Variants in GABBR2 observed in about 807,000 individuals in gnomAD.
The protein encoded by GABBR2 is gamma-aminobutyric acid type B receptor subunit 2, also known as G-protein coupled receptor 51.
GABBR2 carries 23 observed loss-of-function variants against 105.6 expected under a neutral mutation model. That is an observed-to-expected ratio of 0.22 (90% CI 0.16 to 0.31). The LOEUF is 0.31. GABBR2 is among the 10% of genes least tolerant of loss of function. The pLI, the probability that GABBR2 is intolerant of heterozygous loss-of-function variation, is 1.00. For missense variants in GABBR2, 734 were observed against 1,245.5 expected (o/e 0.59, Z 6.18); for synonymous variants, 478 against 499.7 (o/e 0.96, Z 0.58).
At chr9:98,653,231 T>C (rs1830133848) in intron 1 of GABBR2, among the ~76,000 whole-genome samples, 1 of 152,200 alleles carries the variant, frequency 6.6e-6, no homozygotes, top group Non-Finnish European at 1.5e-5. Context: ...ACCCCTGGCC[T>C]CAAGTGATCC....
intron 13 of GABBR2, chr9:98,362,435 T>C (rs965109053): frequency 3.0e-5 from 6 of 197,308 alleles, no homozygotes; most frequent in Admixed American, 6.0e-5. Flanking sequence ...TCTCAAGTGA[T>C]GGATCTTATA....
At chr9:98,300,921 G>C (rs1420768249) in intron 16 of GABBR2, among the ~76,000 whole-genome samples, 1 of 152,168 alleles carries the variant, frequency 6.6e-6, no homozygotes, top group African/African-American at 2.4e-5. Context: ...GTCATGCCTC[G>C]TGTAATGAAG....
chr9:98,672,231 C>G (rs1830416205), intron 1 of GABBR2, among the ~76,000 whole-genome samples: 1 of 152,148 alleles, frequency 6.6e-6, no homozygotes, highest in Non-Finnish European at 1.5e-5. Context: ...TCCCCCAGCC[C>G]TGGCGACCAC....
At chr9:98,606,356 T>A (rs1829421147) in intron 1 of GABBR2, among the ~76,000 whole-genome samples, 1 of 152,212 alleles carries the variant, frequency 6.6e-6, no homozygotes, top group Admixed American at 6.5e-5. Flanking sequence ...CACACTGTCT[T>A]CCACAATGGC....
chr9:98,452,163 C>A (rs1826243912), intron 7 of GABBR2, among the ~76,000 whole-genome samples: 1 of 152,176 alleles, frequency 6.6e-6, no homozygotes, highest in South Asian at 2.1e-4. Flanking sequence ...TTCCAGCCCA[C>A]CAGACCAACA....
chr9:98,494,826 G>C (rs769179269), intron 4 of GABBR2, among the ~76,000 whole-genome samples: 1 of 152,360 alleles, frequency 6.6e-6, no homozygotes, highest in Non-Finnish European at 1.5e-5. Flanking sequence ...TTGATGGGTA[G>C]AGAGTCCAGT....
intron 2 of GABBR2, among the ~76,000 whole-genome samples, chr9:98,576,236 T>C (rs144790884): frequency 2.9e-4 from 44 of 152,268 alleles, no homozygotes; most frequent in African/African-American, 1.1e-3. Context: ...ACCCTGTCAC[T>C]CACTCTCTTC....
intron 5 of GABBR2, among the ~76,000 whole-genome samples, chr9:98,474,895 C>T (rs1455012248): frequency 6.6e-6 from 1 of 152,156 alleles, no homozygotes; most frequent in African/African-American, 2.4e-5. Context: ...CTAAAACACC[C>T]TTAATACCTG....
intron 1 of GABBR2, among the ~76,000 whole-genome samples, chr9:98,597,068 T>C (rs757289228): frequency 5.9e-5 from 9 of 152,074 alleles, no homozygotes; most frequent in Non-Finnish European, 2.9e-5. Context: ...TTAGGAAATA[T>C]TAGGTCAACA....
chr9:98,591,728 T>G (rs570283957), intron 1 of GABBR2, among the ~76,000 whole-genome samples: 1 of 152,180 alleles, frequency 6.6e-6, no homozygotes, highest in Admixed American at 6.5e-5. Context: ...ATCTCAGTAG[T>G]CTCCTTCATG....
chr9:98,645,757 G>A (rs780718807), intron 1 of GABBR2, among the ~76,000 whole-genome samples: 8 of 152,192 alleles, frequency 5.3e-5, no homozygotes, highest in Non-Finnish European at 8.8e-5. Context: ...GAGCACTATT[G>A]AACCTTCAAT....
chr9:98,453,913 A>C lies in GABBR2; in HGVS notation c.1236+68T>G, dbSNP rs1826278731. ...GATCACATAACAGAAAGCCTGTAAC[A>C]GCCCCTCTTTTGCTTTGCATGTTTA... is the stretch of plus-strand genomic sequence containing the variant. On this transcript the variant is annotated intron_variant, in intron 7 of 18. Transcript: ENST00000259455. The C allele has an allele frequency of 1.8e-5, 18 of 1,011,532 alleles. No individual in the cohort carries two copies. The South Asian group carries it at 2.4e-4, about 13-fold the overall frequency. 62.7% of individuals were successfully genotyped at this position (1,011,532 alleles called of 1,614,324 possible).
At chr9:98,644,873 T>C (rs78914165) in intron 1 of GABBR2, among the ~76,000 whole-genome samples, 9 of 152,278 alleles carry the variant, frequency 5.9e-5, no homozygotes, top group Non-Finnish European at 1.2e-4. Flanking sequence ...ACTGGGAATG[T>C]AACATTCTGA....
chr9:98,494,688 T>G (rs141767578), intron 4 of GABBR2, among the ~76,000 whole-genome samples: 74 of 151,734 alleles, frequency 4.9e-4, no homozygotes, highest in African/African-American at 1.6e-3. Context: ...GGAGGACGAA[T>G]TGAGCAAATA....
At chr9:98,689,468 G>A (rs962595826) in intron 1 of GABBR2, among the ~76,000 whole-genome samples, 5 of 152,186 alleles carry the variant, frequency 3.3e-5, no homozygotes, top group African/African-American at 9.7e-5. Flanking sequence ...CAATGCTGGC[G>A]GTGCTAATAG....
intron 4 of GABBR2, among the ~76,000 whole-genome samples, chr9:98,490,892 A>G (rs576601445): frequency 4.6e-5 from 7 of 152,310 alleles, no homozygotes; most frequent in African/African-American, 1.7e-4. Flanking sequence ...TCGCGACTTC[A>G]TCACACAGAA....
chr9:98,559,162 C>T (rs544275666), intron 2 of GABBR2, among the ~76,000 whole-genome samples: 18 of 152,252 alleles, frequency 1.2e-4, no homozygotes, highest in African/African-American at 3.1e-4. Flanking sequence ...CAGGGTCTCA[C>T]TCTGTTGCCC....
chr9:98,304,238 G>T (rs962220), intron 15 of GABBR2: 2,625 of 152,718 alleles, frequency 0.017, 42 homozygotes, highest in Non-Finnish European at 0.028. Context: ...GAGGGATGGT[G>T]GGGGGAAGGG....
At chr9:98,553,916 C>T (rs1828536296) in intron 2 of GABBR2, among the ~76,000 whole-genome samples, 1 of 152,128 alleles carries the variant, frequency 6.6e-6, no homozygotes, top group South Asian at 2.1e-4. Context: ...TTAACAATTC[C>T]CAAAACATAT....
Sources: allele counts gnomAD v4.1 joint callset (sites outside exome capture counted in the v4.1 genomes callset), GRCh38; gene constraint gnomAD v4.1.1; transcripts MANE v1.5; gene names NCBI Gene and HGNC (gene_info 2026-07-23, HGNC 2026-07-21).